Variants in DTNA observed in about 807,000 individuals in gnomAD.
DTNA encodes the protein dystrobrevin alpha.
In DTNA, 43 loss-of-function variants were observed where a neutral mutation model predicts 100.7. The ratio of observed to expected loss-of-function variants is 0.43; its 90% CI spans 0.33 to 0.55. DTNA has a LOEUF of 0.55. Among genes scored for constraint, DTNA ranks in the 20% least tolerant of loss-of-function variants. The probability of loss-of-function intolerance (pLI) is 0.04; values close to 1 mark genes in which losing one functional copy is unlikely to be tolerated. For missense variants in DTNA, 798 were observed against 953.9 expected, an observed-to-expected ratio of 0.84 and a Z score of 2.15; for synonymous variants, 349 against 347.9, an observed-to-expected ratio of 1.00 and a Z score of -0.04.
At chr18:34,593,091 C>T (rs1013194484) in intron 1 of DTNA, among the ~76,000 whole-genome samples, 1 of 152,132 alleles carries the variant, frequency 6.6e-6, no homozygotes, top group Admixed American at 6.6e-5. Context: ...AGTGAGTCCT[C>T]GGGCTGATGT....
intron 1 of DTNA, among the ~76,000 whole-genome samples, chr18:34,659,488 ACTT>A (rs1415515836): frequency 1.3e-5 from 2 of 152,136 alleles, no homozygotes; most frequent in African/African-American, 4.8e-5. Flanking sequence ...TAAGGCAGGC[ACTT>A]CTTTGTACAA....
rs957335604 is a variant in DTNA at position 34,890,202 on chromosome 18, T to C, written c.*2468T>C. On this transcript the variant is annotated 3_prime_UTR_variant, in exon 23 of 23. Transcript: ENST00000444659. ...TTCATTGCCAACCAACTCCATCACA[T>C]GGTTGTTGATATCGTCATATAAAGC... 5.4e-5 allele frequency: 78 copies of C among 1,456,100 alleles called. No individual in the cohort carries two copies. In the African/African-American group the frequency reaches 9.8e-4, roughly 18 times the overall value. The allele number at this position is 1,456,100 out of a possible 1,614,324, so 90.2% of individuals were successfully genotyped here. A position where few individuals can be genotyped will look rare whatever the true frequency, so the allele number is the denominator to read the frequency against.
At chr18:34,883,761 G>A (rs916495796) in intron 21 of DTNA, among the ~76,000 whole-genome samples, 1 of 152,098 alleles carries the variant, frequency 6.6e-6, no homozygotes, top group Admixed American at 6.5e-5. Context: ...GGAGGGAAAC[G>A]GAAGCCCACC....
intron 1 of DTNA, among the ~76,000 whole-genome samples, chr18:34,732,328 G>A (rs767229778): frequency 3.3e-5 from 5 of 152,180 alleles, no homozygotes; most frequent in African/African-American, 1.2e-4. Flanking sequence ...AATGAAGCTT[G>A]TAAATTAACT....
intron 3 of DTNA, among the ~76,000 whole-genome samples, chr18:34,792,730 C>T (rs2094803772): frequency 6.6e-6 from 1 of 152,182 alleles, no homozygotes; most frequent in Non-Finnish European, 1.5e-5. Flanking sequence ...GGTTCAACTA[C>T]TTTTGGAAAA....
At chr18:34,681,695 AACACACAC>A (rs71813996) in intron 1 of DTNA, among the ~76,000 whole-genome samples, 2,129 of 142,986 alleles carry the variant, frequency 0.015, 53 homozygotes, top group African/African-American at 0.052. Context: ...CCCTATACAC[AACACACAC>A]ACACACACAC....
At chr18:34,497,424 A>G (rs753191467) in intron 1 of DTNA, among the ~76,000 whole-genome samples, 2 of 152,196 alleles carry the variant, frequency 1.3e-5, no homozygotes, top group African/African-American at 2.4e-5. Context: ...AAATTAAATG[A>G]CGTACTCTTC....
chr18:34,697,833 G>A (rs903017170), intron 1 of DTNA, among the ~76,000 whole-genome samples: 2 of 152,194 alleles, frequency 1.3e-5, no homozygotes, highest in African/African-American at 4.8e-5. Context: ...GAAGAGCAAA[G>A]AAGGCAGTCA....
At position 34,812,035 on chromosome 18, in the gene DTNA, C is replaced by T; in HGVS notation, c.525C>T (p.Leu175=). ...ATGACCAATTCCTTCGGGAAGTTCT[C>T]AAACTACCCACGGCAGTTTTTGAAG... ...GRYDQFLREV[L]KLPTAVFEGP... The change falls in exon 6 of 23, where the codon CTC becomes CTT. Residue 175 remains leucine (L), a synonymous_variant. Coordinates refer to ENST00000444659, the MANE Select transcript of DTNA (RefSeq NM_001386795.1). 1 of 1,614,086 alleles carries T rather than the reference C, an allele frequency of 6.2e-7. No homozygotes were observed. Among genetic ancestry groups the T allele is most frequent in the Non-Finnish European group, 8.5e-7 (1 of 1,179,978 alleles).
intron 2 of DTNA, among the ~76,000 whole-genome samples, chr18:34,762,752 A>G (rs1320007332): frequency 2.0e-5 from 3 of 152,124 alleles, no homozygotes; most frequent in African/African-American, 4.8e-5. Flanking sequence ...TGTTCACCAC[A>G]TCCCTTTTAA....
At chr18:34,701,552 C>T (rs2081371107) in intron 1 of DTNA, among the ~76,000 whole-genome samples, 1 of 152,136 alleles carries the variant, frequency 6.6e-6, no homozygotes, top group Admixed American at 6.5e-5. Flanking sequence ...ACAACTTCCA[C>T]ATGTGTATCT....
chr18:34,547,141 T>G (rs1413960162), intron 1 of DTNA, among the ~76,000 whole-genome samples: 1 of 152,160 alleles, frequency 6.6e-6, no homozygotes, highest in Non-Finnish European at 1.5e-5. Context: ...AGATTGGAAA[T>G]TTGTATAATA....
At chr18:34,801,050 C>T (rs191439958) in intron 4 of DTNA, among the ~76,000 whole-genome samples, 267 of 152,282 alleles carry the variant, frequency 1.8e-3, no homozygotes, top group African/African-American at 6.1e-3. Flanking sequence ...AAACACCCTA[C>T]AAATCACTAT....
chr18:34,662,051 C>G (rs1474232306), intron 1 of DTNA, among the ~76,000 whole-genome samples: 1 of 151,730 alleles, frequency 6.6e-6, no homozygotes, highest in African/African-American at 2.4e-5. Context: ...CACTATCACT[C>G]TCTATTTTTC....
At chr18:34,534,704 T>C (rs1287025346) in intron 1 of DTNA, among the ~76,000 whole-genome samples, 1 of 152,102 alleles carries the variant, frequency 6.6e-6, no homozygotes, top group African/African-American at 2.4e-5. Context: ...CCATGTGTTC[T>C]CGTTGTTCAC....
Position 34,617,094 on chromosome 18 carries a change from T to A in DTNA, c.-2+123580T>A, listed in dbSNP as rs79117090. ...GGGATAGTTTGACTTCCTCTCTTTC[T>A]GTTTGGATGCATTCAATGTCATTCT... On this transcript the variant is annotated intron_variant, in intron 1 of 19. Transcript: ENST00000283365. 2.2e-3 allele frequency among the ~76,000 whole-genome samples: 332 copies of A among 152,302 alleles called. 1 individual carries two copies. Among genetic ancestry groups the A allele is most frequent in the African/African-American group, 7.4e-3 (308 of 41,588 alleles).
At chr18:34,865,203 G>C (rs1185301448) in intron 17 of DTNA, among the ~76,000 whole-genome samples, 1 of 152,166 alleles carries the variant, frequency 6.6e-6, no homozygotes, top group East Asian at 1.9e-4. Context: ...ATGTCCCACG[G>C]CCCCAACACA....
chr18:34,603,216 G>C (rs1223458296), intron 1 of DTNA, among the ~76,000 whole-genome samples: 1 of 143,348 alleles, frequency 7.0e-6, no homozygotes, highest in African/African-American at 2.6e-5. Context: ...GTCTCTAAAA[G>C]AAAAGGAAAG....
At chr18:34,607,918 T>A (rs2579808) in intron 1 of DTNA, among the ~76,000 whole-genome samples, 60,948 of 152,120 alleles carry the variant, frequency 0.4, 16,186 homozygotes, top group African/African-American at 0.76. Context: ...GGCTTTCTAC[T>A]GATGGCTCTG....
Sources: allele counts gnomAD v4.1 joint callset (sites outside exome capture counted in the v4.1 genomes callset), GRCh38; gene constraint gnomAD v4.1.1; transcripts MANE v1.5; gene names NCBI Gene and HGNC (gene_info 2026-07-23, HGNC 2026-07-21).